Variants in CDH4 observed in about 807,000 individuals in gnomAD.
CDH4 encodes the protein cadherin 4, also known as cadherin-4.
In CDH4, 33 loss-of-function variants were observed where a neutral mutation model predicts 86.0. The observed-to-expected ratio is 0.38, with a 90% CI of 0.29 to 0.51. CDH4 has a LOEUF of 0.51. CDH4 is among the 20% of genes least tolerant of loss of function. The pLI is 0.86. For missense variants in CDH4, 1,114 were observed against 1,307.4 expected, an observed-to-expected ratio of 0.85 and a Z score of 2.28; for synonymous variants, 555 against 549.4, an observed-to-expected ratio of 1.01 and a Z score of -0.14.
intron 2 of CDH4, among the ~76,000 whole-genome samples, chr20:61,383,525 GA>G (rs1469224442): frequency 1.6e-5 from 1 of 61,862 alleles, no homozygotes; most frequent in Non-Finnish European, 2.9e-5. Context: ...GAATATGTAT[GA>G]ATATATATGA....
chr20:61,701,393 G>A (rs1431770877), intron 2 of CDH4, among the ~76,000 whole-genome samples: 1 of 152,268 alleles, frequency 6.6e-6, no homozygotes, highest in African/African-American at 2.4e-5. Flanking sequence ...GGTCGTGGCT[G>A]TGAGATTCCC....
chr20:61,442,080 C>T (rs2085317447), intron 2 of CDH4, among the ~76,000 whole-genome samples: 1 of 152,118 alleles, frequency 6.6e-6, no homozygotes, highest in Non-Finnish European at 1.5e-5. Flanking sequence ...CGCAAATGCC[C>T]CAGCAGCTTC....
chr20:61,845,805 T>C (rs1342492446), intron 5 of CDH4, among the ~76,000 whole-genome samples: 1 of 152,242 alleles, frequency 6.6e-6, no homozygotes, highest in Non-Finnish European at 1.5e-5. Flanking sequence ...CACCTGACAG[T>C]GTCACCTTGC....
At chr20:61,280,313 GC>G (rs1415443629) in intron 2 of CDH4, among the ~76,000 whole-genome samples, 1 of 152,222 alleles carries the variant, frequency 6.6e-6, no homozygotes, top group East Asian at 1.9e-4. Flanking sequence ...GATGTGAACT[GC>G]CTTTTGTTCA....
Position 61,676,847 on chromosome 20 carries a change from G to A in CDH4, c.170-66716G>A, listed in dbSNP as rs2087449632. 6.6e-6 allele frequency among the ~76,000 whole-genome samples: 1 copy of A among 152,194 alleles called. No individual in the cohort carries two copies. Among genetic ancestry groups the A allele is most frequent in the Non-Finnish European group, 1.5e-5 (1 of 68,018 alleles). ...TGTTGTCCAAGGGGAGGTCAGGGGA[G>A]GCCTGGCTGGGTGGCCTTTGCCAGG... On this transcript the variant is annotated intron_variant, in intron 2 of 15. Transcript: ENST00000614565. The surrounding 1 kb of genome is among the most constrained non-coding windows in gnomAD (Gnocchi z 4.5).
chr20:61,599,048 T>C, intron 2 of CDH4, among the ~76,000 whole-genome samples: 1 of 152,296 alleles, frequency 6.6e-6, no homozygotes, highest in African/African-American at 2.4e-5. Context: ...AATTTGACGA[T>C]GCTGACTTCT....
At chr20:61,668,544 G>A (rs2087352214) in intron 2 of CDH4, among the ~76,000 whole-genome samples, 1 of 152,210 alleles carries the variant, frequency 6.6e-6, no homozygotes, top group Non-Finnish European at 1.5e-5. Flanking sequence ...ATGGTGCTGG[G>A]TTGTCCAGGC....
intron 4 of CDH4, among the ~76,000 whole-genome samples, chr20:61,809,996 T>C (rs1317266017): frequency 1.3e-5 from 2 of 152,140 alleles, no homozygotes; most frequent in Non-Finnish European, 2.9e-5. Flanking sequence ...ATCGTATCAG[T>C]TGGTGATTGC....
intron 3 of CDH4, among the ~76,000 whole-genome samples, chr20:61,759,971 G>T (rs921314414): frequency 6.6e-6 from 1 of 152,244 alleles, no homozygotes; most frequent in Non-Finnish European, 1.5e-5. Flanking sequence ...CAGGACCGAG[G>T]TCACAAGCTC....
intron 2 of CDH4, among the ~76,000 whole-genome samples, chr20:61,346,078 C>T (rs983245520): frequency 3.3e-5 from 5 of 152,274 alleles, no homozygotes; most frequent in Non-Finnish European, 5.9e-5. Flanking sequence ...TTAACCCACG[C>T]GGGATAAATG....
chr20:61,528,763 A>G (rs1196561343), intron 2 of CDH4, among the ~76,000 whole-genome samples: 2 of 152,126 alleles, frequency 1.3e-5, no homozygotes, highest in East Asian at 3.9e-4. Flanking sequence ...AGCTGGAAGC[A>G]TGGCGGGGTT....
chr20:61,644,281 G>A (rs925626400), intron 2 of CDH4, among the ~76,000 whole-genome samples: 2 of 152,210 alleles, frequency 1.3e-5, no homozygotes, highest in Admixed American at 6.5e-5. Context: ...GGGAGGCCAC[G>A]TCACAGGCGC....
chr20:61,504,655 C>T (rs1443578943), intron 2 of CDH4, among the ~76,000 whole-genome samples: 3 of 152,236 alleles, frequency 2.0e-5, no homozygotes, highest in South Asian at 4.1e-4. Context: ...CCTCGTTAAA[C>T]ATCCAGCCCC....
intron 2 of CDH4, among the ~76,000 whole-genome samples, chr20:61,573,376 C>T (rs2086358834): frequency 2.6e-5 from 4 of 152,244 alleles, no homozygotes; most frequent in South Asian, 4.1e-4. Flanking sequence ...ATTTCAGAAA[C>T]ACAAGTTGAG....
At chr20:61,935,698 C>T (rs1033740444) in intron 15 of CDH4, among the ~76,000 whole-genome samples, 1 of 152,046 alleles carries the variant, frequency 6.6e-6, no homozygotes, top group African/African-American at 2.4e-5. Context: ...CCAGACTGGC[C>T]AACATGGTGA....
At position 61,853,045 on chromosome 20, in the gene CDH4, T is replaced by C. The variant is rs1331917313; in HGVS notation, c.877+147T>C. ...GCAGACACACAGCATGCAGCAGACG[T>C]CCACCAAAGCCCCTGCTCTCACAGG... On this transcript the variant is annotated intron_variant, in intron 6 of 15. Transcript: ENST00000614565. 24 of 820,826 alleles carry C rather than the reference T, an allele frequency of 2.9e-5. No individual in the cohort carries two copies. In the East Asian group the frequency reaches 5.6e-4, roughly 19 times the overall value. The allele number at this position is 820,826 out of a possible 1,614,324, so 50.8% of individuals were successfully genotyped here.
intron 2 of CDH4, among the ~76,000 whole-genome samples, chr20:61,289,154 G>T (rs751522038): frequency 7.9e-5 from 12 of 152,198 alleles, no homozygotes; most frequent in Non-Finnish European, 1.8e-4. Context: ...GAGGAGAACG[G>T]GGTGCCCCAC....
At chr20:61,632,184 T>C (rs1449515253) in intron 2 of CDH4, among the ~76,000 whole-genome samples, 2 of 152,222 alleles carry the variant, frequency 1.3e-5, no homozygotes, top group Non-Finnish European at 2.9e-5. Context: ...GAAATGCTCC[T>C]GGGGCGGAGA....
chr20:61,474,527 C>A (rs190895000), intron 2 of CDH4, among the ~76,000 whole-genome samples: 1 of 151,768 alleles, frequency 6.6e-6, no homozygotes, highest in Admixed American at 6.6e-5. Context: ...GTAGTACCTT[C>A]GGGGTAGTAA....
Sources: allele counts gnomAD v4.1 joint callset (sites outside exome capture counted in the v4.1 genomes callset), GRCh38; gene constraint gnomAD v4.1.1; non-coding constraint Gnocchi (gnomAD v3.1); transcripts MANE v1.5; gene names NCBI Gene and HGNC (gene_info 2026-07-23, HGNC 2026-07-21).